TTC28: variants seen among roughly 807,000 people sequenced by gnomAD.
TTC28 encodes the protein tetratricopeptide repeat protein 28.
Under a neutral mutation model 198.0 loss-of-function variants are expected in TTC28, and 61 were observed. The ratio of observed to expected loss-of-function variants is 0.31; its 90% CI spans 0.25 to 0.38. TTC28 has a LOEUF of 0.38. TTC28 is among the 10% of genes least tolerant of loss of function. The pLI, the probability that TTC28 is intolerant of heterozygous loss-of-function variation, is 1.00. For synonymous variants in TTC28, 1,171 were observed against 1,297.8 expected (o/e 0.90, Z 2.10); for missense variants, 2,678 against 3,164.0 (o/e 0.85, Z 3.69).
chr22:28,528,299 T>C (rs936966415), intron 2 of TTC28, among the ~76,000 whole-genome samples: 2 of 152,196 alleles, frequency 1.3e-5, no homozygotes, highest in African/African-American at 4.8e-5. Flanking sequence ...CCACAAAGGA[T>C]AAGGGGTGGT....
chr22:28,228,628 G>A (rs1045751844), intron 5 of TTC28, among the ~76,000 whole-genome samples: 4 of 151,140 alleles, frequency 2.6e-5, no homozygotes, highest in Non-Finnish European at 4.4e-5. Context: ...AGAACCCGGG[G>A]GGCAGAGGTT....
intron 2 of TTC28, among the ~76,000 whole-genome samples, chr22:28,415,990 T>A (rs147249587): frequency 3.3e-4 from 50 of 152,346 alleles, no homozygotes; most frequent in Non-Finnish European, 6.0e-4. Context: ...AAAAAAGGCA[T>A]TGAACTTTCA....
rs1393381395 is a variant in TTC28, at chr22:28,534,386, T to C, written c.381+95166A>G. On this transcript the variant is annotated intron_variant, in intron 2 of 22. Transcript: ENST00000397906. ...AGATACCATCTCACACCAGTTAGAA[T>C]GGCGATCATTAAAAAGTCAGGAAAC... Among the ~76,000 whole-genome samples the C allele has an allele frequency of 2.6e-5, 4 of 152,238 alleles. No individual in the cohort carries two copies. The East Asian group carries it at 7.7e-4, about 29-fold the overall frequency.
intron 2 of TTC28, among the ~76,000 whole-genome samples, chr22:28,509,197 A>C (rs925329411): frequency 6.6e-6 from 1 of 152,084 alleles, no homozygotes; most frequent in Middle Eastern, 3.2e-3. Context: ...CCTTCAAAAA[A>C]AAAAAAAAAA....
At chr22:28,570,316 T>C (rs933292018) in intron 2 of TTC28, among the ~76,000 whole-genome samples, 3 of 152,140 alleles carry the variant, frequency 2.0e-5, no homozygotes, top group South Asian at 4.1e-4. Flanking sequence ...TAGATGCCCA[T>C]CAATGGTGGA....
At chr22:28,404,365 G>A (rs919268762) in intron 2 of TTC28, among the ~76,000 whole-genome samples, 4 of 152,236 alleles carry the variant, frequency 2.6e-5, no homozygotes, top group East Asian at 1.9e-4. Context: ...TGATCCGCCC[G>A]CCTCGGCCTC....
chr22:28,140,586 G>A (rs1943307971), intron 6 of TTC28, among the ~76,000 whole-genome samples: 1 of 152,174 alleles, frequency 6.6e-6, no homozygotes, highest in Admixed American at 6.5e-5. Context: ...TGTTAAAATG[G>A]ACTTCTAGAT....
At chr22:28,167,935 C>T (rs1458953483) in intron 5 of TTC28, among the ~76,000 whole-genome samples, 2 of 152,184 alleles carry the variant, frequency 1.3e-5, no homozygotes, top group African/African-American at 4.8e-5. Flanking sequence ...TCATCTCAGC[C>T]TCAAATCTTC....
intron 2 of TTC28, among the ~76,000 whole-genome samples, chr22:28,518,948 G>A (rs1459408975): frequency 2.0e-5 from 3 of 152,194 alleles, no homozygotes; most frequent in Admixed American, 6.5e-5. Flanking sequence ...TTGACAGGCT[G>A]TGCATGTGCA....
At chr22:28,066,275 C>CGTGTGTGTGTGTGT (rs796325170) in intron 12 of TTC28, among the ~76,000 whole-genome samples, 1 of 135,602 alleles carries the variant, frequency 7.4e-6, no homozygotes, top group Non-Finnish European at 1.7e-5. Flanking sequence ...ACCTAGTTAC[C>CGTGTGTGTGTGTGT]GTGTGTGTGT....
chr22:28,465,863 C>T (rs1321296696), intron 2 of TTC28, among the ~76,000 whole-genome samples: 1 of 152,168 alleles, frequency 6.6e-6, no homozygotes, highest in African/African-American at 2.4e-5. Context: ...TCCAAGATAG[C>T]TGCTTAAGTA....
intron 2 of TTC28, among the ~76,000 whole-genome samples, chr22:28,350,308 A>T (rs2045972461): frequency 6.6e-6 from 1 of 152,212 alleles, no homozygotes; most frequent in Admixed American, 6.5e-5. Flanking sequence ...TGTATTGTGT[A>T]TATGAATTAA....
intron 12 of TTC28, among the ~76,000 whole-genome samples, chr22:28,082,634 T>C (rs921047004): frequency 2.6e-5 from 4 of 152,222 alleles, no homozygotes; most frequent in Non-Finnish European, 5.9e-5. Flanking sequence ...TAATGTATTA[T>C]TGAATTCAGT....
chr22:28,186,444 T>G (rs1217938265), intron 5 of TTC28, among the ~76,000 whole-genome samples: 1 of 152,150 alleles, frequency 6.6e-6, no homozygotes. Context: ...CTACAGACAT[T>G]AACAGGATGG....
intron 5 of TTC28, among the ~76,000 whole-genome samples, chr22:28,204,207 A>ACAT (rs1337176693): frequency 6.6e-6 from 1 of 152,158 alleles, no homozygotes; most frequent in Non-Finnish European, 1.5e-5. Flanking sequence ...CCAGAGAAAG[A>ACAT]CATCCCACTC....
At chr22:28,650,749 T>G (rs1015581850) in intron 1 of TTC28, among the ~76,000 whole-genome samples, 1 of 152,210 alleles carries the variant, frequency 6.6e-6, no homozygotes, top group Non-Finnish European at 1.5e-5. Context: ...TTACAAGACC[T>G]TTATTTTACA....
intron 2 of TTC28, among the ~76,000 whole-genome samples, chr22:28,476,435 A>G (rs1273479396): frequency 6.6e-6 from 1 of 152,188 alleles, no homozygotes; most frequent in East Asian, 1.9e-4. Context: ...TCTAAAACAT[A>G]GCTCCTAGTG....
intron 5 of TTC28, among the ~76,000 whole-genome samples, chr22:28,181,296 G>A (rs1364929009): frequency 1.3e-5 from 2 of 152,140 alleles, no homozygotes; most frequent in Non-Finnish European, 2.9e-5. Context: ...ATCTGTAAAT[G>A]TCCTTTGCAG....
chr22:28,405,599 T>G (rs1483303998), intron 2 of TTC28, among the ~76,000 whole-genome samples: 1 of 152,218 alleles, frequency 6.6e-6, no homozygotes, highest in Non-Finnish European at 1.5e-5. Context: ...GCTAACAATT[T>G]TACTGTGTAG....
Sources: allele counts gnomAD v4.1 joint callset (sites outside exome capture counted in the v4.1 genomes callset), GRCh38; gene constraint gnomAD v4.1.1; transcripts MANE v1.5; gene names NCBI Gene and HGNC (gene_info 2026-07-23, HGNC 2026-07-21).